Variants in EML1 observed in about 807,000 individuals in gnomAD.
EML1 encodes the protein echinoderm microtubule-associated protein-like 1.
Under a neutral mutation model 110.4 loss-of-function variants are expected in EML1, and 27 were observed. The ratio of observed to expected loss-of-function variants is 0.24; its 90% confidence interval spans 0.18 to 0.34. The LOEUF (loss-of-function observed/expected upper bound fraction) is 0.34, where lower values mean the gene tolerates loss of function less well. Among genes scored for constraint, EML1 ranks in the 10% least tolerant of loss-of-function variants. EML1 has a pLI of 1.00. For missense variants in EML1, 741 were observed against 1,030.9 expected, an observed-to-expected ratio of 0.72 and a Z score of 3.85; for synonymous variants, 344 against 385.8, an observed-to-expected ratio of 0.89 and a Z score of 1.27.
chr14:99,875,022 C>T (rs1373961292), intron 3 of EML1: 1 of 1,599,222 alleles, frequency 6.3e-7, no homozygotes, highest in Non-Finnish European at 8.6e-7. Flanking sequence ...GTCACCATAG[C>T]TGTTCCTTCC....
intron 1 of EML1, among the ~76,000 whole-genome samples, chr14:99,739,065 A>AGAGTGTGTGTGTGTGTGTGT (rs1555385383): frequency 7.9e-5 from 11 of 138,918 alleles, no homozygotes. Context: ...AGAGTGTGAG[A>AGAGTGTGTGTGTGTGTGTGT]GTGTGTGTGT....
At chr14:99,938,422 A>C (rs1862245639) in intron 20 of EML1, among the ~76,000 whole-genome samples, 2 of 152,246 alleles carry the variant, frequency 1.3e-5, no homozygotes, top group Admixed American at 1.3e-4. Context: ...GAGAATTTGC[A>C]GTTTTGTGGT....
chr14:99,898,281 G>C lies in EML1; in HGVS notation c.876G>C (p.Ala292=). 2 of 1,610,978 alleles carry C rather than the reference G, an allele frequency of 1.2e-6. No homozygotes were observed. Among genetic ancestry groups the C allele is most frequent in the Non-Finnish European group, 1.7e-6 (2 of 1,178,176 alleles). ...TCACGATAGCAACAGGACAAGTTGCGGGCACATCGAAGGATGGAAAAGTGA... is the reference window on the plus strand; with the variant it reads ...TCACGATAGCAACAGGACAAGTTGCCGGCACATCGAAGGATGGAAAAGTGA... ...DRITIATGQV[A]GTSKDGKQLP... Residue 292 remains alanine, a synonymous_variant, in exon 8 of 22, where the codon GCG becomes GCC. Transcript: ENST00000262233.
intron 1 of EML1, among the ~76,000 whole-genome samples, chr14:99,839,366 G>A (rs1002763966): frequency 3.9e-5 from 6 of 152,096 alleles, no homozygotes; most frequent in Non-Finnish European, 8.8e-5. Flanking sequence ...GTTATTTGTT[G>A]GCCAGTCTCT....
At chr14:99,777,547 G>A (rs2057496488) in intron 1 of EML1, among the ~76,000 whole-genome samples, 1 of 152,102 alleles carries the variant, frequency 6.6e-6, no homozygotes, top group South Asian at 2.1e-4. Flanking sequence ...AGCCTCCCCA[G>A]TAGCTGGGAT....
intron 2 of EML1, among the ~76,000 whole-genome samples, chr14:99,864,820 A>AG (rs2059066168): frequency 2.0e-5 from 3 of 151,844 alleles, no homozygotes; most frequent in African/African-American, 7.2e-5. Flanking sequence ...AAAAAAAAAA[A>AG]AAAAGAAAAG....
intron 17 of EML1, among the ~76,000 whole-genome samples, chr14:99,931,982 G>A (rs1019770190): frequency 6.6e-6 from 1 of 152,136 alleles, no homozygotes; most frequent in East Asian, 1.9e-4. Context: ...GGAAGGGAAC[G>A]TTTCTCCTGG....
In EML1 at chr14:99,802,990, G is replaced by A. The variant is rs74333102; in HGVS notation, c.67+9447G>A. 3.3e-3 allele frequency among the ~76,000 whole-genome samples: 501 copies of A among 152,106 alleles called. 5 individuals are homozygous for A. The highest frequency in any genetic ancestry group is 6.7e-3 in the South Asian group (32 of 4,802). On this transcript the variant is annotated intron_variant, in intron 1 of 21. Coordinates refer to ENST00000262233, the MANE Select transcript of EML1 (RefSeq NM_004434.3). ...GAGTGCCCCCAGGTGCCCTTCCTTC[G>A]TCGGTGGCTATGTGGTATTTAGTAT...
At chr14:99,885,816 T>C in intron 4 of EML1, 1 of 436,964 alleles carries the variant, frequency 2.3e-6, no homozygotes, top group Non-Finnish European at 4.5e-6. Flanking sequence ...TTGTAACATA[T>C]CTTATTTAAT....
intron 1 of EML1, among the ~76,000 whole-genome samples, chr14:99,812,590 T>G (rs2058100740): frequency 1.3e-5 from 2 of 148,442 alleles, no homozygotes; most frequent in Admixed American, 1.3e-4. Context: ...GGCTCTTCAC[T>G]TTGCCTGGCT....
At chr14:99,788,970 T>A (rs1285083396), upstream of EML1, among the ~76,000 whole-genome samples, 1 of 152,178 alleles carries the variant, frequency 6.6e-6, no homozygotes, top group Non-Finnish European at 1.5e-5. Flanking sequence ...TGATACATGC[T>A]GATAGCATGT....
intron 1 of EML1, among the ~76,000 whole-genome samples, chr14:99,759,158 C>T (rs550247354): frequency 1.3e-5 from 2 of 152,130 alleles, no homozygotes; most frequent in Admixed American, 1.3e-4. Flanking sequence ...CAGGGTGGGA[C>T]CTGGTTTTAG....
intron 15 of EML1, among the ~76,000 whole-genome samples, chr14:99,916,700 T>C (rs2060039390): frequency 6.6e-6 from 1 of 152,172 alleles, no homozygotes; most frequent in South Asian, 2.1e-4. Flanking sequence ...TATCTGCCAC[T>C]CCTCAAATAT....
rs71113224 is a variant in EML1 at position 99,811,640 on chromosome 14, CAAAA to C, written c.67+18115_67+18118del. Among the ~76,000 whole-genome samples the C allele has an allele frequency of 9.5e-4, 114 of 119,982 alleles. 1 individual carries two copies. The highest frequency in any genetic ancestry group is 2.7e-3 in the East Asian group (11 of 4,104). The allele number at this position is 119,982 out of a possible 152,430, so 78.7% of individuals were successfully genotyped here. A position where few individuals can be genotyped will look rare whatever the true frequency, so the allele number is the denominator to read the frequency against. ...CAACACGATAAAACCCTGTCTCTAC[CAAAA>C]AAAAAAAAAAAAAAAAATTAGCCAG... is the stretch of plus-strand genomic sequence containing the variant. On this transcript the variant is annotated intron_variant, in intron 1 of 21. Coordinates refer to ENST00000262233, the MANE Select transcript of EML1 (RefSeq NM_004434.3).
chr14:99,759,603 CG>C (rs1391392840), intron 1 of EML1, among the ~76,000 whole-genome samples: 1 of 152,186 alleles, frequency 6.6e-6, no homozygotes, highest in Non-Finnish European at 1.5e-5. Context: ...GGGAAGGAAT[CG>C]GGTGCACCGT....
In EML1 at chr14:99,885,685, A is replaced by G. The variant is rs531808291; in HGVS notation, c.519-5514A>G. 3.9e-5 allele frequency among the ~76,000 whole-genome samples: 6 copies of G among 152,362 alleles called. No homozygotes were observed. In the South Asian group the frequency reaches 6.2e-4, roughly 16 times the overall value. ...ATAAATTTCAAAATGATAAGTGCTA[A>G]TATTCTTCATATTGTTTTAGTTTTG... On this transcript the variant is annotated intron_variant, in intron 4 of 21. Transcript: ENST00000262233.
chr14:99,774,526 T>A (rs1352323114), intron 1 of EML1, among the ~76,000 whole-genome samples: 1 of 152,180 alleles, frequency 6.6e-6, no homozygotes, highest in Non-Finnish European at 1.5e-5. Flanking sequence ...GACCTCCCCA[T>A]ATCCACCCAC....
chr14:99,830,916 C>T (rs950713817), intron 1 of EML1, among the ~76,000 whole-genome samples: 9 of 152,118 alleles, frequency 5.9e-5, no homozygotes, highest in Non-Finnish European at 2.9e-5. Context: ...CTGTCCAGAC[C>T]GGGCCCTTTG....
At position 99,901,022 on chromosome 14, in the gene EML1, A is replaced by C; in HGVS notation, c.991A>C (p.Ile331Leu). 1 of 1,614,024 alleles carries C rather than the reference A, an allele frequency of 6.2e-7. No individual in the cohort carries two copies. The highest frequency in any genetic ancestry group is 8.5e-7 in the Non-Finnish European group (1 of 1,179,900). Reference sequence around the variant, plus strand: ...TTTTTTTGACCGAGCAGTCACCTGTATTGCATTCTCAAAATCTGTAAGTAT... The same window carrying C: ...TTTTTTTGACCGAGCAGTCACCTGTCTTGCATTCTCAAAATCTGTAAGTAT... Reference protein sequence around the residue: ...IGFFDRAVTCIAFSKSNGGTN... With the variant: ...IGFFDRAVTCLAFSKSNGGTN... Residue 331 changes from isoleucine (I) to leucine (L), a missense_variant, in exon 9 of 22, where the codon ATT becomes CTT. By Grantham distance (5) the Ile-to-Leu change is conservative (BLOSUM62 2). This residue lies in a region of EML1 where 388 missense variants were observed against 605.6 expected (regional missense o/e 0.64). Coordinates refer to ENST00000262233, the MANE Select transcript of EML1 (RefSeq NM_004434.3).
Sources: allele counts gnomAD v4.1 joint callset (sites outside exome capture counted in the v4.1 genomes callset), GRCh38; gene constraint gnomAD v4.1.1; regional missense constraint gnomAD v4.1.1; transcripts MANE v1.5; gene names NCBI Gene and HGNC (gene_info 2026-07-23, HGNC 2026-07-21).